LRRC72: variants seen among roughly 807,000 people sequenced by gnomAD.
The protein encoded by LRRC72 is leucine-rich repeat-containing protein 72.
A neutral mutation model predicts 35.8 loss-of-function variants in LRRC72; 41 were observed. That is an observed-to-expected ratio of 1.15 (90% CI 0.89 to 1.49). The LOEUF (loss-of-function observed/expected upper bound fraction) is 1.49. Among genes scored for constraint, LRRC72 ranks in the 40% most tolerant of loss-of-function variants. LRRC72 has a pLI of 0.00. For synonymous variants in LRRC72, 118 were observed against 119.2 expected (o/e 0.99, Z 0.07); for missense variants, 389 against 330.7 (o/e 1.18, Z -1.37).
chr7:16,536,283 A>G (rs1048830363), intron 2 of LRRC72, among the ~76,000 whole-genome samples: 1 of 152,198 alleles, frequency 6.6e-6, no homozygotes, highest in Non-Finnish European at 1.5e-5. Flanking sequence ...GGGATACAGG[A>G]TTTAAACAAA....
At chr7:16,544,886 T>G (rs1197436551) in intron 3 of LRRC72, among the ~76,000 whole-genome samples, 1 of 152,242 alleles carries the variant, frequency 6.6e-6, no homozygotes, top group East Asian at 1.9e-4. Context: ...AACCAATGGT[T>G]AATGCATTTT....
chr7:16,527,557 G>A (rs545136073), intron 1 of LRRC72, among the ~76,000 whole-genome samples: 1 of 152,010 alleles, frequency 6.6e-6, no homozygotes, highest in South Asian at 2.1e-4. Flanking sequence ...TATTTGATGA[G>A]CCCTACAAGC....
chr7:16,532,690 T>C (rs773530592), intron 2 of LRRC72, 122 bp downstream of exon 2: 1 of 778,324 alleles, frequency 1.3e-6, no homozygotes, highest in Middle Eastern at 2.9e-4. Flanking sequence ...GGACTCCAAT[T>C]ATTTTACCAC....
At chr7:16,565,429 CAA>C (rs11284083) in intron 5 of LRRC72, among the ~76,000 whole-genome samples, 57 of 115,302 alleles carry the variant, frequency 4.9e-4, no homozygotes, top group South Asian at 6.1e-4. Flanking sequence ...AAGACTCTGT[CAA>C]AAAAAAAAAA....
At chr7:16,543,100 G>C (rs186496965) in intron 3 of LRRC72, among the ~76,000 whole-genome samples, 1 of 152,234 alleles carries the variant, frequency 6.6e-6, no homozygotes, top group East Asian at 1.9e-4. Flanking sequence ...TATTCAGATC[G>C]CAAACTCTAA....
At position 16,567,477 on chromosome 7, in the gene LRRC72, A is replaced by G; in HGVS notation, c.604A>G (p.Lys202Glu). The change falls in exon 7 of 9, where the codon AAA becomes GAA. Residue 202 changes from lysine to glutamate, a missense_variant. Physicochemically the swap from Lys to Glu is moderately conservative, Grantham distance 56. Coordinates refer to ENST00000401542, the MANE Select transcript of LRRC72 (RefSeq NM_001195280.2). ...HIVQSIAFGG[K>E]VDASWDPKSP... is the part of the protein sequence containing the mutation. ...CGTTCAATCAATAGCATTCGGAGGA[A>G]AAGTGGATGCTTCATGGGATCCTAA... 6.5e-7 allele frequency: 1 copy of G among 1,536,560 alleles called. No homozygotes were observed. Among genetic ancestry groups the G allele is most frequent in the Non-Finnish European group, 8.8e-7 (1 of 1,139,530 alleles).
chr7:16,531,238 G>T (rs539703825), intron 1 of LRRC72, among the ~76,000 whole-genome samples: 1 of 151,634 alleles, frequency 6.6e-6, no homozygotes, highest in Non-Finnish European at 1.5e-5. Context: ...AGATGACAAT[G>T]TCTAAGCCTG....
intron 7 of LRRC72, among the ~76,000 whole-genome samples, chr7:16,571,409 G>A (rs1009070142): frequency 1.3e-5 from 2 of 152,102 alleles, no homozygotes; most frequent in Non-Finnish European, 2.9e-5. Flanking sequence ...CGGCAAGATG[G>A]CCGAATAGGA....
intron 1 of LRRC72, among the ~76,000 whole-genome samples, chr7:16,529,217 C>T (rs552638110): frequency 2.0e-3 from 301 of 152,246 alleles, no homozygotes; most frequent in Middle Eastern, 6.8e-3. Context: ...TTACTTCAGC[C>T]AAAGGCTGTA....
At chr7:16,533,567 C>T (rs1782203974) in intron 2 of LRRC72, among the ~76,000 whole-genome samples, 1 of 152,108 alleles carries the variant, frequency 6.6e-6, no homozygotes, top group Non-Finnish European at 1.5e-5. Flanking sequence ...CTTTGGAACT[C>T]AGCTTCTTGT....
chr7:16,531,311 G>A (rs940329028), intron 1 of LRRC72, among the ~76,000 whole-genome samples: 1 of 152,012 alleles, frequency 6.6e-6, no homozygotes, highest in Non-Finnish European at 1.5e-5. Context: ...GCACCCTGAT[G>A]GCAATGCCTA....
At chr7:16,575,556 G>C (rs919099776) in intron 7 of LRRC72, among the ~76,000 whole-genome samples, 4 of 152,184 alleles carry the variant, frequency 2.6e-5, no homozygotes, top group Admixed American at 1.3e-4. Context: ...ATTTGCTTTA[G>C]ATTTCTGATT....
At chr7:16,576,143 C>T (rs1021727228) in intron 7 of LRRC72, among the ~76,000 whole-genome samples, 1 of 152,036 alleles carries the variant, frequency 6.6e-6, no homozygotes, top group Non-Finnish European at 1.5e-5. Context: ...CACAAAAGGC[C>T]GCTATATCAT....
intron 7 of LRRC72, among the ~76,000 whole-genome samples, chr7:16,574,662 G>C (rs1252976186): frequency 6.6e-6 from 1 of 152,032 alleles, no homozygotes; most frequent in Non-Finnish European, 1.5e-5. Context: ...CTGGAGGGCT[G>C]GGGGAGGGAT....
chr7:16,546,430 C>T (rs1005342193), intron 3 of LRRC72, among the ~76,000 whole-genome samples: 4 of 151,916 alleles, frequency 2.6e-5, no homozygotes, highest in Admixed American at 2.6e-4. Flanking sequence ...AGGAGATGCC[C>T]CCCAGGAGTG....
At chr7:16,566,762 G>C (rs1032221170) in intron 6 of LRRC72, among the ~76,000 whole-genome samples, 3 of 151,944 alleles carry the variant, frequency 2.0e-5, no homozygotes, top group Non-Finnish European at 4.4e-5. Flanking sequence ...ATCTCATAAG[G>C]CCAGTTTAAG....
chr7:16,530,567 C>T (rs1315776318), intron 1 of LRRC72: 1 of 152,198 alleles, frequency 6.6e-6, no homozygotes, highest in Non-Finnish European at 1.5e-5. Context: ...CATCAGACCA[C>T]TTCTCTATAT....
chr7:16,569,704 AGGAAG>A (rs148166700), intron 7 of LRRC72, among the ~76,000 whole-genome samples: 4 of 150,484 alleles, frequency 2.7e-5, no homozygotes, highest in African/African-American at 9.8e-5. Flanking sequence ...GGTGCAAGAG[AGGAAG>A]GGAAGGGAAG....
intron 1 of LRRC72, among the ~76,000 whole-genome samples, chr7:16,531,258 GT>G (rs1319708039): frequency 6.6e-6 from 1 of 151,480 alleles, no homozygotes; most frequent in Non-Finnish European, 1.5e-5. Context: ...GATCCAATGG[GT>G]TTTTCCAAGC....
Sources: allele counts gnomAD v4.1 joint callset (sites outside exome capture counted in the v4.1 genomes callset), GRCh38; gene constraint gnomAD v4.1.1; transcripts MANE v1.5; gene names NCBI Gene and HGNC (gene_info 2026-07-23, HGNC 2026-07-21).